CHCHD6: variants seen among roughly 807,000 people sequenced by gnomAD.
The protein encoded by CHCHD6 is coiled-coil-helix-coiled-coil-helix domain containing 6.
Under a neutral mutation model 32.3 loss-of-function variants are expected in CHCHD6, and 28 were observed. The ratio of observed to expected loss-of-function variants is 0.87; its 90% confidence interval spans 0.64 to 1.19. CHCHD6 has a LOEUF of 1.19. Ranked by LOEUF, CHCHD6 falls within the 50% of genes most tolerant of loss-of-function variation. CHCHD6 has a pLI of 0.00. For synonymous variants in CHCHD6, 122 were observed against 117.5 expected (o/e 1.04, Z -0.25); for missense variants, 333 against 307.0 (o/e 1.08, Z -0.63).
At chr3:126,891,995 G>A (rs776275813) in intron 5 of CHCHD6, among the ~76,000 whole-genome samples, 2 of 152,184 alleles carry the variant, frequency 1.3e-5, no homozygotes, top group Non-Finnish European at 2.9e-5. Context: ...GAAGCATCCT[G>A]TGCAGCCTAT....
chr3:126,915,357 G>T (rs536261399), intron 6 of CHCHD6, among the ~76,000 whole-genome samples: 67 of 152,336 alleles, frequency 4.4e-4, no homozygotes, highest in African/African-American at 1.6e-3. Flanking sequence ...CGTCACAGGA[G>T]CAGGGAGGTG....
chr3:126,947,443 T>C (rs867715240), intron 6 of CHCHD6, among the ~76,000 whole-genome samples: 1 of 152,252 alleles, frequency 6.6e-6, no homozygotes, highest in South Asian at 2.1e-4. Flanking sequence ...GTTGTCTCTT[T>C]CAGAATGTCT....
At chr3:126,941,403 A>G (rs566487303) in intron 6 of CHCHD6, among the ~76,000 whole-genome samples, 67 of 152,334 alleles carry the variant, frequency 4.4e-4, no homozygotes, top group African/African-American at 1.5e-3. Flanking sequence ...TTAGGAAGCT[A>G]TAGTTATTTA....
intron 4 of CHCHD6, among the ~76,000 whole-genome samples, chr3:126,815,294 GTC>G (rs1939835182): frequency 6.6e-6 from 1 of 152,182 alleles, no homozygotes; most frequent in Non-Finnish European, 1.5e-5. Flanking sequence ...CCCAGTGGAT[GTC>G]TCTCTGAGCA....
At chr3:126,903,374 C>T (rs1054622628) in intron 5 of CHCHD6, among the ~76,000 whole-genome samples, 5 of 152,266 alleles carry the variant, frequency 3.3e-5, no homozygotes, top group South Asian at 2.1e-4. Flanking sequence ...CTCCCAGCCT[C>T]GGATTTCCCA....
intron 4 of CHCHD6, among the ~76,000 whole-genome samples, chr3:126,795,179 C>G (rs1938734062): frequency 6.6e-6 from 1 of 152,252 alleles, no homozygotes; most frequent in South Asian, 2.1e-4. Context: ...TCCTGCCTAC[C>G]AGGAGCTCAT....
intron 1 of CHCHD6, among the ~76,000 whole-genome samples, chr3:126,716,773 A>G (rs1011117049): frequency 2.6e-5 from 4 of 151,288 alleles, no homozygotes; most frequent in African/African-American, 9.7e-5. Flanking sequence ...CTGCAAAGAA[A>G]GCAAAGCAGA....
intron 4 of CHCHD6, among the ~76,000 whole-genome samples, chr3:126,803,181 A>G (rs1030478275): frequency 5.3e-5 from 8 of 152,176 alleles, no homozygotes; most frequent in Non-Finnish European, 1.0e-4. Context: ...ACCAGCTAAC[A>G]TCATAATGAC....
At chr3:126,821,418 C>G (rs759839483) in intron 4 of CHCHD6, among the ~76,000 whole-genome samples, 5 of 152,198 alleles carry the variant, frequency 3.3e-5, no homozygotes, top group African/African-American at 7.2e-5. Context: ...CTTACTGAGC[C>G]TCCCGAGTAG....
chr3:126,826,214 A>G (rs907132674), intron 4 of CHCHD6, among the ~76,000 whole-genome samples: 4 of 152,226 alleles, frequency 2.6e-5, no homozygotes, highest in Non-Finnish European at 4.4e-5. Flanking sequence ...TTGCATGGAC[A>G]TAATTCCATT....
intron 4 of CHCHD6, among the ~76,000 whole-genome samples, chr3:126,834,079 G>T (rs76236857): frequency 0.14 from 15,630 of 111,860 alleles, 1,099 homozygotes; most frequent in South Asian, 0.33. Context: ...AAAAAAAAAA[G>T]AATTACCAAT....
At chr3:126,794,812 C>T (rs559831942) in intron 4 of CHCHD6, among the ~76,000 whole-genome samples, 2 of 152,258 alleles carry the variant, frequency 1.3e-5, no homozygotes, top group East Asian at 3.9e-4. Context: ...GTCCCTGCTA[C>T]AGTGTCTTGA....
At chr3:126,706,960 C>G (rs560070950) in intron 1 of CHCHD6, among the ~76,000 whole-genome samples, 1 of 152,090 alleles carries the variant, frequency 6.6e-6, no homozygotes, top group African/African-American at 2.4e-5. Flanking sequence ...AAAGTGTTCT[C>G]GTCCCTGTAA....
intron 6 of CHCHD6, among the ~76,000 whole-genome samples, chr3:126,948,048 G>A (rs1040851040): frequency 1.3e-5 from 2 of 152,176 alleles, no homozygotes; most frequent in African/African-American, 4.8e-5. Context: ...ACCATGCCGT[G>A]GAAAGTGCAC....
chr3:126,803,430 A>G (rs1016337730), intron 4 of CHCHD6, among the ~76,000 whole-genome samples: 4 of 151,982 alleles, frequency 2.6e-5, no homozygotes, highest in African/African-American at 9.7e-5. Flanking sequence ...CTCTGATAAA[A>G]CAGACTTTAA....
chr3:126,941,386 A>G (rs2078556585), intron 6 of CHCHD6, among the ~76,000 whole-genome samples: 1 of 152,184 alleles, frequency 6.6e-6, no homozygotes, highest in African/African-American at 2.4e-5. Context: ...AACCTGTTTA[A>G]GACATATTAG....
chr3:126,953,164 A>G (rs1249365372), intron 6 of CHCHD6: 1 of 983,950 alleles, frequency 1.0e-6, no homozygotes, highest in Non-Finnish European at 1.2e-6. Context: ...GGAAAGTGAC[A>G]AAGCCAGCGC....
At chr3:126,774,132 T>C (rs1937593737) in intron 4 of CHCHD6, among the ~76,000 whole-genome samples, 1 of 152,238 alleles carries the variant, frequency 6.6e-6, no homozygotes, top group Non-Finnish European at 1.5e-5. Context: ...TAATAGCATA[T>C]TTTAAAATAT....
intron 4 of CHCHD6, among the ~76,000 whole-genome samples, chr3:126,819,620 A>T (rs543207734): frequency 1.3e-5 from 2 of 152,194 alleles, no homozygotes; most frequent in African/African-American, 4.8e-5. Context: ...CTGCTGTCCT[A>T]TCCTTAGCCC....
Sources: allele counts gnomAD v4.1 joint callset (sites outside exome capture counted in the v4.1 genomes callset), GRCh38; gene constraint gnomAD v4.1.1; transcripts MANE v1.5; gene names NCBI Gene and HGNC (gene_info 2026-07-23, HGNC 2026-07-21).